The following SNTG1 variants were observed in gnomAD, a reference collection of about 807,000 sequenced individuals.
The protein encoded by SNTG1 is syntrophin gamma 1.
Under a neutral mutation model 74.7 loss-of-function variants are expected in SNTG1, and 39 were observed. The ratio of observed to expected loss-of-function variants is 0.52; its 90% confidence interval spans 0.40 to 0.68. The LOEUF is 0.68. Among genes scored for constraint, SNTG1 ranks in the 30% least tolerant of loss-of-function variants. The pLI is 0.00. For synonymous variants in SNTG1, 254 were observed against 217.1 expected, an observed-to-expected ratio of 1.17 and a Z score of -1.49; for missense variants, 685 against 609.5, an observed-to-expected ratio of 1.12 and a Z score of -1.30.
At chr8:50,318,418 C>A (rs1158678930) in intron 2 of SNTG1, among the ~76,000 whole-genome samples, 1 of 152,148 alleles carries the variant, frequency 6.6e-6, no homozygotes, top group Admixed American at 6.5e-5. Context: ...TGTTTACCTC[C>A]CTAAAGCTCC....
intron 1 of SNTG1, among the ~76,000 whole-genome samples, chr8:49,969,849 A>C (rs1344110173): frequency 2.0e-5 from 3 of 151,142 alleles, no homozygotes; most frequent in Non-Finnish European, 4.4e-5. Flanking sequence ...TTTCTTCTTC[A>C]CTCTTCCTCA....
chr8:50,740,310 G>T (rs367688380), intron 17 of SNTG1, among the ~76,000 whole-genome samples: 1 of 149,512 alleles, frequency 6.7e-6, no homozygotes, highest in Admixed American at 6.7e-5. Flanking sequence ...AGTGGGCAAA[G>T]GATATGAACC....
chr8:50,762,612 C>A, intron 18 of SNTG1: 2 of 419,406 alleles, frequency 4.8e-6, no homozygotes, highest in Admixed American at 2.4e-5. Context: ...ATCAGTGTAT[C>A]CTCTCCCCAG....
chr8:50,618,673 T>C (rs2094900519), intron 13 of SNTG1, among the ~76,000 whole-genome samples: 1 of 152,212 alleles, frequency 6.6e-6, no homozygotes, highest in East Asian at 1.9e-4. Context: ...CCTTGCCCAT[T>C]AGGTCGTTGG....
intron 18 of SNTG1, among the ~76,000 whole-genome samples, chr8:50,775,907 C>T (rs903957053): frequency 2.6e-5 from 4 of 151,194 alleles, no homozygotes; most frequent in Non-Finnish European, 5.9e-5. Context: ...TGAAGTTTAG[C>T]TCATCTAATG....
intron 5 of SNTG1, among the ~76,000 whole-genome samples, chr8:50,441,112 G>T (rs1262251035): frequency 1.3e-5 from 2 of 152,082 alleles, no homozygotes; most frequent in Admixed American, 1.3e-4. Context: ...GGACAGTGTG[G>T]TGGGGCTTCT....
At chr8:50,391,031 C>T (rs2092651121) in intron 2 of SNTG1, among the ~76,000 whole-genome samples, 1 of 152,164 alleles carries the variant, frequency 6.6e-6, no homozygotes, top group African/African-American at 2.4e-5. Context: ...GACAATTTGA[C>T]TTCCTCTTTT....
At chr8:50,774,103 A>G (rs2095634016) in intron 18 of SNTG1, among the ~76,000 whole-genome samples, 1 of 151,982 alleles carries the variant, frequency 6.6e-6, no homozygotes, top group Admixed American at 6.6e-5. Context: ...ATAAATGAAG[A>G]AAAATAGCAG....
chr8:50,782,156 C>T (rs1585783941), intron 18 of SNTG1, among the ~76,000 whole-genome samples: 2 of 152,272 alleles, frequency 1.3e-5, no homozygotes, highest in South Asian at 4.1e-4. Context: ...TTCATTTCAA[C>T]TTTGGTGAAT....
At chr8:50,737,118 C>A in intron 17 of SNTG1, among the ~76,000 whole-genome samples, 1 of 151,862 alleles carries the variant, frequency 6.6e-6, no homozygotes. Flanking sequence ...ATCAATGAAT[C>A]CAGGAGCTGG....
At chr8:50,403,080 G>A (rs917644946) in intron 4 of SNTG1, among the ~76,000 whole-genome samples, 2 of 152,172 alleles carry the variant, frequency 1.3e-5, no homozygotes, top group Non-Finnish European at 2.9e-5. Context: ...GTATAATAAT[G>A]CTATTAAAGG....
intron 1 of SNTG1, among the ~76,000 whole-genome samples, chr8:49,933,666 G>A (rs1807793118): frequency 6.6e-6 from 1 of 152,138 alleles, no homozygotes; most frequent in Non-Finnish European, 1.5e-5. Flanking sequence ...ATAAATGTAA[G>A]TTTTTGTTTT....
chr8:50,089,637 C>A (rs2079636946), intron 1 of SNTG1, among the ~76,000 whole-genome samples: 1 of 152,052 alleles, frequency 6.6e-6, no homozygotes, highest in African/African-American at 2.4e-5. Flanking sequence ...ATTTATGCAG[C>A]CAAAAAACAC....
chr8:50,208,678 A>T (rs192309553), intron 2 of SNTG1, among the ~76,000 whole-genome samples: 2 of 152,250 alleles, frequency 1.3e-5, no homozygotes, highest in Non-Finnish European at 2.9e-5. Context: ...ACAATTTGTC[A>T]TGTTTTTGCA....
intron 2 of SNTG1, among the ~76,000 whole-genome samples, chr8:50,281,203 A>G (rs2088431470): frequency 6.6e-6 from 1 of 152,070 alleles, no homozygotes; most frequent in South Asian, 2.1e-4. Flanking sequence ...TACTGCAACA[A>G]AGAGTCTGTT....
intron 1 of SNTG1, among the ~76,000 whole-genome samples, chr8:50,168,164 C>T (rs1185441602): frequency 6.6e-6 from 1 of 150,986 alleles, no homozygotes; most frequent in Non-Finnish European, 1.5e-5. Context: ...TAATATTTCC[C>T]AACTTCCTGA....
chr8:49,918,016 A>G (rs767478365), intron 1 of SNTG1, among the ~76,000 whole-genome samples: 18 of 152,222 alleles, frequency 1.2e-4, no homozygotes, highest in Non-Finnish European at 2.5e-4. Context: ...GATTCCACAC[A>G]TAGCTGCCGA....
chr8:50,511,545 A>T (rs899176880), intron 9 of SNTG1, among the ~76,000 whole-genome samples: 13 of 152,184 alleles, frequency 8.5e-5, no homozygotes, highest in African/African-American at 3.1e-4. Flanking sequence ...ATTGTGTGGG[A>T]GTCTAAGTCT....
At chr8:50,032,847 A>G (rs1817845984) in intron 1 of SNTG1, among the ~76,000 whole-genome samples, 1 of 152,156 alleles carries the variant, frequency 6.6e-6, no homozygotes, top group East Asian at 1.9e-4. Context: ...AAATTAGCCA[A>G]TTAGCTAAAG....
Sources: allele counts gnomAD v4.1 joint callset (sites outside exome capture counted in the v4.1 genomes callset), GRCh38; gene constraint gnomAD v4.1.1; transcripts MANE v1.5; gene names NCBI Gene and HGNC (gene_info 2026-07-23, HGNC 2026-07-21).